The following REXO5 variants were observed in gnomAD, a reference collection of about 807,000 sequenced individuals.
REXO5 encodes the protein exonuclease NEF-sp.
A neutral mutation model predicts 88.5 loss-of-function variants in REXO5; 48 were observed. That is an observed-to-expected ratio of 0.54 (90% CI 0.43 to 0.69). REXO5 has a LOEUF of 0.69. Among genes scored for constraint, REXO5 ranks in the 30% least tolerant of loss-of-function variants. The pLI, the probability that REXO5 is intolerant of heterozygous loss-of-function variation, is 0.00. For synonymous variants in REXO5, 311 were observed against 336.5 expected (o/e 0.92, Z 0.83); for missense variants, 749 against 912.2 (o/e 0.82, Z 2.30).
chr16:20,812,623 C>T (rs1014061439), intron 2 of REXO5, among the ~76,000 whole-genome samples: 1 of 152,156 alleles, frequency 6.6e-6, no homozygotes, highest in African/African-American at 2.4e-5. Flanking sequence ...GATTCATTAG[C>T]TTAGGCCGCA....
chr16:20,847,959 T>C (rs2081635727), intron 19 of REXO5, among the ~76,000 whole-genome samples: 1 of 152,152 alleles, frequency 6.6e-6, no homozygotes, highest in African/African-American at 2.4e-5. Context: ...AGTGCTGGGG[T>C]CAGGGAGCAA....
chr16:20,822,636 C>G (rs566113975), intron 6 of REXO5, among the ~76,000 whole-genome samples: 1 of 152,336 alleles, frequency 6.6e-6, no homozygotes, highest in South Asian at 2.1e-4. Flanking sequence ...TTTACCCATT[C>G]TGGGTATTTC....
chr16:20,838,261 CTT>C (rs2081468219), intron 13 of REXO5, among the ~76,000 whole-genome samples: 1 of 152,032 alleles, frequency 6.6e-6, no homozygotes, highest in Admixed American at 6.5e-5. Flanking sequence ...TCCTGCCTCT[CTT>C]CTTATTGTAG....
At chr16:20,844,517 T>C in intron 16 of REXO5, 112 bp from the exon 17 acceptor site, 1 of 878,236 alleles carries the variant, frequency 1.1e-6, no homozygotes, top group African/African-American at 1.7e-5. Flanking sequence ...AAACGGAAAA[T>C]TTTAGGAAAC....
chr16:20,816,245 C>G (rs376101689), intron 5 of REXO5, 33 bp downstream of exon 5: 1 of 1,520,298 alleles, frequency 6.6e-7, no homozygotes, highest in Non-Finnish European at 9.1e-7. Flanking sequence ...ATGCTTTGCT[C>G]ACTCTAAAAG....
chr16:20,844,942 C>A, intron 17 of REXO5, 97 bp downstream of exon 17: 1 of 1,529,292 alleles, frequency 6.5e-7, no homozygotes, highest in Non-Finnish European at 9.0e-7. Context: ...TGGGCTGGAC[C>A]AGGGCAGCAG....
Position 20,820,875 on chromosome 16 carries a change from A to G in REXO5, c.476-887A>G, listed in dbSNP as rs540855262. On this transcript the variant is annotated intron_variant, in intron 5 of 19. Transcript: ENST00000261377. ...CACTGTACCTAGCCCAGTTCTTTATATTTTTTAGTGAAAATCCTTAAAGCA... is the reference window on the plus strand; with the variant it reads ...CACTGTACCTAGCCCAGTTCTTTATGTTTTTTAGTGAAAATCCTTAAAGCA... Among the ~76,000 whole-genome samples the G allele has an allele frequency of 2.0e-5, 3 of 151,548 alleles. No homozygotes were observed. In the East Asian group the frequency reaches 5.8e-4, roughly 30 times the overall value.
intron 10 of REXO5, among the ~76,000 whole-genome samples, chr16:20,827,690 A>G (rs1331258866): frequency 1.3e-5 from 2 of 152,238 alleles, no homozygotes; most frequent in Non-Finnish European, 2.9e-5. Context: ...AAATTTCAAA[A>G]CATAACATAC....
intron 16 of REXO5, among the ~76,000 whole-genome samples, chr16:20,844,267 C>T (rs2081574198): frequency 6.6e-6 from 1 of 152,192 alleles, no homozygotes; most frequent in South Asian, 2.1e-4. Flanking sequence ...TTTGTTACTA[C>T]TTAAGTCCCC....
chr16:20,816,015 T>C, intron 4 of REXO5, 101 bp from the exon 5 acceptor site: 1 of 885,790 alleles, frequency 1.1e-6, no homozygotes, highest in Non-Finnish European at 1.8e-6. Flanking sequence ...AATTACTGTC[T>C]AGAACTTTCA....
At chr16:20,826,235 G>A (rs968751931) in intron 8 of REXO5, among the ~76,000 whole-genome samples, 2 of 152,116 alleles carry the variant, frequency 1.3e-5, no homozygotes, top group African/African-American at 4.8e-5. Flanking sequence ...CTGCCAAACA[G>A]CTAGAGCTTT....
In REXO5 at chr16:20,806,685, T is replaced by C. The variant is rs2080882617; in HGVS notation, c.-23T>C. On this transcript the variant is annotated 5_prime_UTR_variant, in exon 1 of 20. Coordinates refer to ENST00000261377, the MANE Select transcript of REXO5 (RefSeq NM_030941.3). ...CCAGGCAGACGCCCGTTGTAGCCGT[T>C]GGGGAACCGTTGAGAATCCGGTAAC... is the stretch of plus-strand genomic sequence containing the variant. 6.6e-6 allele frequency: 7 copies of C among 1,060,650 alleles called. No homozygotes were observed. The highest frequency in any genetic ancestry group is 1.6e-5 in the African/African-American group (1 of 62,468). 65.7% of individuals were successfully genotyped at this position (1,060,650 alleles called of 1,614,324 possible).
At chr16:20,830,078 C>A (rs1567398844) in intron 11 of REXO5, among the ~76,000 whole-genome samples, 1 of 152,218 alleles carries the variant, frequency 6.6e-6, no homozygotes, top group Non-Finnish European at 1.5e-5. Flanking sequence ...ACAATAGGTT[C>A]TAAAACCCTT....
chr16:20,806,944 C>T lies in REXO5; in HGVS notation c.-2-8C>T, dbSNP rs1174635146. On this transcript the variant is annotated splice_region_variant and splice_polypyrimidine_tract_variant and intron_variant, in intron 1 of 19. Transcript: ENST00000261377. ...GTTTCCCCAGCTCTACCTCATCTTT[C>T]TCCACAGCCATGGAGCCAGAGAGGG... is the stretch of plus-strand genomic sequence containing the variant. The T allele has an allele frequency of 6.3e-7, 1 of 1,579,304 alleles. No individual in the cohort carries two copies. The highest frequency in any genetic ancestry group is 8.6e-7 in the Non-Finnish European group (1 of 1,161,486).
intron 5 of REXO5, among the ~76,000 whole-genome samples, chr16:20,820,611 A>G (rs1200403687): frequency 8.6e-6 from 1 of 115,834 alleles, no homozygotes; most frequent in East Asian, 3.0e-4. Context: ...TTGCCCAGGC[A>G]GGAGTGCAGT....
In REXO5 at chr16:20,825,990, G is replaced by A. The variant is rs754323263; in HGVS notation, c.821+42G>A. The A allele has an allele frequency of 3.1e-6, 4 of 1,308,206 alleles. No individual in the cohort carries two copies. The South Asian group carries it at 4.9e-5, about 16-fold the overall frequency. The allele number at this position is 1,308,206 out of a possible 1,614,324, so 81.0% of individuals were successfully genotyped here. A position where few individuals can be genotyped will look rare whatever the true frequency, so the allele number is the denominator to read the frequency against. ...CTGCAGCTCTTCTAAGAGCTATCGGGCTAGAATGGAATAATACTTAAGAAT... is the reference window on the plus strand; with the variant it reads ...CTGCAGCTCTTCTAAGAGCTATCGGACTAGAATGGAATAATACTTAAGAAT... On this transcript the variant is annotated intron_variant, in intron 8 of 19. Transcript: ENST00000261377.
intron 5 of REXO5, 47 bp downstream of exon 5, chr16:20,816,259 C>A: frequency 1.4e-6 from 2 of 1,427,364 alleles, no homozygotes; most frequent in African/African-American, 1.4e-5. Flanking sequence ...CTAAAAGATA[C>A]GGATATGATT....
intron 5 of REXO5, 105 bp downstream of exon 5, chr16:20,816,317 CA>C: frequency 1.1e-6 from 1 of 899,350 alleles, no homozygotes; most frequent in Non-Finnish European, 1.6e-6. Flanking sequence ...AGCTTAAGCA[CA>C]AAAACAATTT....
intron 12 of REXO5, 81 bp downstream of exon 12, chr16:20,832,340 A>G: frequency 3.3e-6 from 3 of 908,874 alleles, no homozygotes; most frequent in Non-Finnish European, 3.4e-6. Flanking sequence ...GAATGTTTTT[A>G]TCCTCTTTTG....
Sources: gnomAD v4.1 joint callset for allele counts (sites outside exome capture counted in the v4.1 genomes callset) on GRCh38, gnomAD v4.1.1 for gene constraint, MANE v1.5 for transcripts, NCBI Gene and HGNC (gene_info 2026-07-23, HGNC 2026-07-21) for gene names.